ZNF710: variants seen among roughly 807,000 people sequenced by gnomAD.
ZNF710 encodes the protein zinc finger protein 710.
ZNF710 carries 13 observed loss-of-function variants against 50.6 expected under a neutral mutation model. That is an observed-to-expected ratio of 0.26 (90% CI 0.17 to 0.41). ZNF710 has a LOEUF of 0.41. ZNF710 is among the 10% of genes least tolerant of loss of function. ZNF710 has a pLI of 1.00. For synonymous variants in ZNF710, 383 were observed against 397.0 expected, an observed-to-expected ratio of 0.96 and a Z score of 0.42; for missense variants, 721 against 936.6, an observed-to-expected ratio of 0.77 and a Z score of 3.01.
intron 4 of ZNF710, chr15:90,074,671 A>G (rs574135308): frequency 4.8e-6 from 2 of 415,754 alleles, no homozygotes; most frequent in Non-Finnish European, 8.5e-6. Context: ...CAAGATGACA[A>G]CACAGCAGGA....
At position 90,067,555 on chromosome 15, in the gene ZNF710, G is replaced by T. The variant is rs200720876; in HGVS notation, c.418G>T (p.Ala140Ser). Residue 140 changes from alanine (A) to serine (S), a missense_variant, in exon 2 of 5, where the codon GCC becomes TCC. Physicochemically the swap from Ala to Ser is moderately conservative, Grantham distance 99. Coordinates refer to ENST00000268154, the MANE Select transcript of ZNF710 (RefSeq NM_198526.4). This position sits in a 1 kb window ranked among gnomAD's most constrained non-coding sequence, Gnocchi z 8.1. The stretch of plus-strand genomic sequence containing the variant: ...GGACGCAGGGCCAGCAGAAGCCCCC[G>T]CCGAGGCGGCCAGTGGCGGCTGCGA... ...DKDAGPAEAP[A>S]EAASGGCDAL... 1.2e-5 allele frequency: 19 copies of T among 1,612,532 alleles called. No homozygotes were observed. Among genetic ancestry groups the T allele is most frequent in the Non-Finnish European group, 1.6e-5 (19 of 1,179,332 alleles).
chr15:90,053,348 CT>C (rs111542346), intron 1 of ZNF710, among the ~76,000 whole-genome samples: 99 of 144,518 alleles, frequency 6.9e-4, no homozygotes, highest in Middle Eastern at 3.5e-3. Flanking sequence ...CAGTGAATTC[CT>C]TTTTTTTTTT....
intron 1 of ZNF710, among the ~76,000 whole-genome samples, chr15:90,038,740 T>TGTGTGAGA (rs150950322): frequency 8.1e-5 from 12 of 148,528 alleles, no homozygotes; most frequent in African/African-American, 3.1e-4. Flanking sequence ...TGTGTGTGTG[T>TGTGTGAGA]GAGACATTGG....
At chr15:90,076,967 G>A (rs1460575915) in intron 4 of ZNF710, among the ~76,000 whole-genome samples, 1 of 152,100 alleles carries the variant, frequency 6.6e-6, no homozygotes, top group Non-Finnish European at 1.5e-5. Flanking sequence ...GGAAGCGATT[G>A]GCCCTGGAAT....
intron 1 of ZNF710, among the ~76,000 whole-genome samples, chr15:90,018,428 A>G (rs1244290729): frequency 1.3e-5 from 2 of 152,130 alleles, no homozygotes; most frequent in Non-Finnish European, 2.9e-5. Flanking sequence ...GTGGCCTCCC[A>G]AAGTGCTGAG....
intron 1 of ZNF710, among the ~76,000 whole-genome samples, chr15:90,045,570 G>A (rs1170310473): frequency 6.6e-6 from 1 of 152,080 alleles, no homozygotes; most frequent in African/African-American, 2.4e-5. Flanking sequence ...GTGGTGCGTG[G>A]CCTGTGAGCT....
In ZNF710 at chr15:90,033,338, T is replaced by G. The variant is rs1899003451; in HGVS notation, c.-29+31724T>G. Among the ~76,000 whole-genome samples, 2 of 152,144 alleles carry G rather than the reference T, an allele frequency of 1.3e-5. 1 individual carries two copies. The highest frequency in any genetic ancestry group is 4.1e-4 in the South Asian group (2 of 4,828). On this transcript the variant is annotated intron_variant, in intron 1 of 4. Transcript: ENST00000268154. ...TTTCACCACAGAGTTTGAGAAGCAC[T>G]GGGGATGTTAAAGGTGGGGAAAGTT...
chr15:90,033,177 C>T (rs769129268), intron 1 of ZNF710, among the ~76,000 whole-genome samples: 10 of 152,206 alleles, frequency 6.6e-5, no homozygotes, highest in African/African-American at 2.2e-4. Flanking sequence ...TCCAAATGGG[C>T]GATTGGTGGC....
At chr15:90,020,077 A>G (rs1290092417) in intron 1 of ZNF710, among the ~76,000 whole-genome samples, 1 of 152,092 alleles carries the variant, frequency 6.6e-6, no homozygotes, top group Non-Finnish European at 1.5e-5. Context: ...CTTCGTCATC[A>G]CTTGGTGTGG....
intron 1 of ZNF710, among the ~76,000 whole-genome samples, chr15:90,019,475 T>C (rs1180327183): frequency 3.9e-5 from 6 of 152,350 alleles, no homozygotes; most frequent in Middle Eastern, 3.4e-3. Context: ...TTCTAAAGGC[T>C]GTTCGTCTAG....
At chr15:90,013,372 G>A (rs932243537) in intron 1 of ZNF710, among the ~76,000 whole-genome samples, 6 of 152,206 alleles carry the variant, frequency 3.9e-5, no homozygotes, top group Non-Finnish European at 8.8e-5. Flanking sequence ...CAAAGTACTG[G>A]TATTACAGGT....
chr15:90,074,662 A>G, intron 4 of ZNF710: 2 of 461,374 alleles, frequency 4.3e-6, no homozygotes, highest in South Asian at 4.1e-5. Flanking sequence ...TAGCTCATGC[A>G]AGATGACAAC....
Position 90,080,362 on chromosome 15 carries a change from T to G in ZNF710, c.*533T>G, listed in dbSNP as rs560051357. 1 of 153,166 alleles carries G rather than the reference T, an allele frequency of 6.5e-6. No homozygotes were observed. Among genetic ancestry groups the G allele is most frequent in the South Asian group, 2.1e-4 (1 of 4,860 alleles). The allele number at this position is 153,166 out of a possible 1,614,324, so 9.5% of individuals were successfully genotyped here. A position where few individuals can be genotyped will look rare whatever the true frequency, so the allele number is the denominator to read the frequency against. On this transcript the variant is annotated 3_prime_UTR_variant, in exon 5 of 5. Coordinates refer to ENST00000268154, the MANE Select transcript of ZNF710 (RefSeq NM_198526.4). ...CAGGCAGGGCACTCTGCCTTCTACC[T>G]CCCGGGGTCTCCCATGCGCTCCTCA...
intron 4 of ZNF710, 98 bp downstream of exon 4, chr15:90,074,388 G>T: frequency 1.3e-6 from 2 of 1,579,080 alleles, no homozygotes; most frequent in Admixed American, 3.6e-5. Flanking sequence ...GGCTGGCCAA[G>T]GCTGAGACTT....
intron 1 of ZNF710, among the ~76,000 whole-genome samples, chr15:90,051,196 G>A (rs978022480): frequency 2.0e-5 from 3 of 148,272 alleles, no homozygotes; most frequent in African/African-American, 7.5e-5. Flanking sequence ...CCAAGATCGT[G>A]CCGCTGCACT....
At chr15:90,036,097 C>T (rs1489250291) in intron 1 of ZNF710, among the ~76,000 whole-genome samples, 1 of 152,172 alleles carries the variant, frequency 6.6e-6, no homozygotes, top group Non-Finnish European at 1.5e-5. Context: ...GCTGGAGTGA[C>T]TTCCACTTCG....
chr15:90,009,810 C>T (rs567808343), intron 1 of ZNF710, among the ~76,000 whole-genome samples: 1 of 152,106 alleles, frequency 6.6e-6, no homozygotes, highest in South Asian at 2.1e-4. Context: ...AGCTCAACAA[C>T]AGTGGAGCGT....
Position 90,034,703 on chromosome 15 carries a change from C to G in ZNF710, c.-28-32407C>G, listed in dbSNP as rs79627689. Reference sequence around the variant, plus strand: ...TCCTGCTACCCTAGAGCCCAGGACACCCTTGCAGGCCTTCTGAGCCTTCTT... The same window carrying G: ...TCCTGCTACCCTAGAGCCCAGGACAGCCTTGCAGGCCTTCTGAGCCTTCTT... On this transcript the variant is annotated intron_variant, in intron 1 of 4. Coordinates refer to ENST00000268154, the MANE Select transcript of ZNF710 (RefSeq NM_198526.4). The surrounding 1 kb of genome is among the most constrained non-coding windows in gnomAD (Gnocchi z 4.0). 4.8e-3 allele frequency among the ~76,000 whole-genome samples: 738 copies of G among 152,298 alleles called. 14 individuals are homozygous for G. Among genetic ancestry groups the G allele is most frequent in the African/African-American group, 0.017 (711 of 41,566 alleles).
chr15:90,035,223 G>T (rs571472507), intron 1 of ZNF710, among the ~76,000 whole-genome samples: 4 of 152,258 alleles, frequency 2.6e-5, no homozygotes, highest in African/African-American at 9.6e-5. Flanking sequence ...TGGTGTGGGG[G>T]CTGAGACATG....
Sources: allele counts gnomAD v4.1 joint callset (sites outside exome capture counted in the v4.1 genomes callset), GRCh38; gene constraint gnomAD v4.1.1; non-coding constraint Gnocchi (gnomAD v3.1); transcripts MANE v1.5; gene names NCBI Gene and HGNC (gene_info 2026-07-23, HGNC 2026-07-21).